The following WNT5B variants were observed in gnomAD, a reference collection of about 807,000 sequenced individuals.
WNT5B encodes protein Wnt-5b.
A neutral mutation model predicts 36.5 loss-of-function variants in WNT5B; 18 were observed. The observed-to-expected ratio is 0.49, with a 90% CI of 0.34 to 0.73. WNT5B has a LOEUF of 0.73. WNT5B is among the 30% of genes least tolerant of loss of function. The pLI is 0.01. For synonymous variants in WNT5B, 213 were observed against 212.3 expected (o/e 1.00, Z -0.03); for missense variants, 424 against 508.4 (o/e 0.83, Z 1.60).
chr12:1,625,781 A>G (rs894166409), upstream of WNT5B, among the ~76,000 whole-genome samples: 3 of 152,024 alleles, frequency 2.0e-5, no homozygotes, highest in Admixed American at 1.3e-4. Context: ...CTCCTGCCTC[A>G]GCCTCCCAAG....
chr12:1,634,358 T>A (rs2270034), intron 3 of WNT5B, among the ~76,000 whole-genome samples: 1 of 152,186 alleles, frequency 6.6e-6, no homozygotes, highest in Admixed American at 6.5e-5. Flanking sequence ...CTCTAATCTC[T>A]TCAGTGGAGT....
intron 2 of WNT5B, 87 bp downstream of exon 2, chr12:1,631,521 G>A (rs1035010693): frequency 2.5e-5 from 40 of 1,592,660 alleles, no homozygotes; most frequent in Non-Finnish European, 3.1e-5. Context: ...CGTGTGTCAC[G>A]GTAGTACCTT....
Position 1,640,072 on chromosome 12 carries a change from G to A in WNT5B, c.621+96G>A, listed in dbSNP as rs1258186041. On this transcript the variant is annotated intron_variant, in intron 4 of 4. Transcript: ENST00000397196. ...CGTGGCCTGGCCTTCAAGGAAACGG[G>A]TTAGTCTGACCGTGAAGATTCTTAC... 1.0e-5 allele frequency: 14 copies of A among 1,406,020 alleles called. No homozygotes were observed. In the Admixed American group the frequency reaches 1.4e-4, roughly 14 times the overall value. 87.1% of individuals were successfully genotyped at this position (1,406,020 alleles called of 1,614,324 possible).
chr12:1,623,192 T>TTTTTTTG (rs1353331454), intron 1 of WNT5B, among the ~76,000 whole-genome samples: 10 of 107,660 alleles, frequency 9.3e-5, no homozygotes, highest in Admixed American at 1.7e-4. Flanking sequence ...TTGTTGTTTT[T>TTTTTTTG]TTTTTTTTTT....
At position 1,621,738 on chromosome 12, in the gene WNT5B, C is replaced by T. The variant is rs557894585; in HGVS notation, c.-58+4595C>T. On this transcript the variant is annotated intron_variant, in intron 1 of 4. Transcript: ENST00000310594. ...TTTTTTTTTTTTGGTAGAGATGAGG[C>T]CTCACTATGTCGGCCAGGCTGGTCT... 2.0e-5 allele frequency among the ~76,000 whole-genome samples: 3 copies of T among 148,060 alleles called. No individual in the cohort carries two copies. In the South Asian group the frequency reaches 6.4e-4, roughly 32 times the overall value.
At chr12:1,622,382 C>A (rs973133763) in intron 1 of WNT5B, among the ~76,000 whole-genome samples, 3 of 152,150 alleles carry the variant, frequency 2.0e-5, no homozygotes, top group Non-Finnish European at 4.4e-5. Flanking sequence ...TCCCCAAGGT[C>A]TTACACATTT....
chr12:1,623,657 C>T (rs2094537417), intron 1 of WNT5B, among the ~76,000 whole-genome samples: 1 of 152,068 alleles, frequency 6.6e-6, no homozygotes, highest in Non-Finnish European at 1.5e-5. Context: ...ACTGTTAAGG[C>T]CAATCTAAAA....
intron 4 of WNT5B, among the ~76,000 whole-genome samples, chr12:1,641,546 T>G (rs2094575354): frequency 6.6e-6 from 1 of 152,128 alleles, no homozygotes; most frequent in Admixed American, 6.5e-5. Flanking sequence ...CTGATGCCTG[T>G]AATCCCAACA....
upstream of WNT5B, among the ~76,000 whole-genome samples, chr12:1,624,443 C>A (rs1286032927): frequency 6.6e-6 from 1 of 150,382 alleles, no homozygotes; most frequent in African/African-American, 2.5e-5. Flanking sequence ...ACAGGGAGGA[C>A]CTGTATTTGG....
At chr12:1,635,239 G>A (rs2094558491) in intron 3 of WNT5B, among the ~76,000 whole-genome samples, 1 of 152,196 alleles carries the variant, frequency 6.6e-6, no homozygotes, top group South Asian at 2.1e-4. Context: ...AACTGTCAGA[G>A]TACAGAACGT....
intron 3 of WNT5B, among the ~76,000 whole-genome samples, chr12:1,637,999 A>G (rs2094565376): frequency 6.6e-6 from 1 of 152,210 alleles, no homozygotes; most frequent in Non-Finnish European, 1.5e-5. Flanking sequence ...CTCTAATCCC[A>G]GCACTTTGGG....
In WNT5B at chr12:1,636,659, A is replaced by G. The variant is rs141372878; in HGVS notation, c.329-3025A>G. On this transcript the variant is annotated intron_variant, in intron 3 of 4. Transcript: ENST00000397196. ...GGGCTTAAACAATTCTTCCACCTCAACCTCCTGAGTAGCTGGGACTACAGG... is the reference window on the plus strand; with the variant it reads ...GGGCTTAAACAATTCTTCCACCTCAGCCTCCTGAGTAGCTGGGACTACAGG... Among the ~76,000 whole-genome samples, 1,082 of 149,068 alleles carry G rather than the reference A, an allele frequency of 7.3e-3. 10 individuals are homozygous for G. The highest frequency in any genetic ancestry group is 0.024 in the Middle Eastern group (7 of 292).
intron 1 of WNT5B, among the ~76,000 whole-genome samples, chr12:1,623,359 C>G (rs1466142127): frequency 6.6e-6 from 1 of 150,986 alleles, no homozygotes; most frequent in Admixed American, 6.6e-5. Flanking sequence ...CCACACCCAG[C>G]TAATTTTTTG....
rs377377750 is a variant in WNT5B at position 1,636,485 on chromosome 12, C to A, written c.329-3199C>A. ...TTAGCACAATGATTTAAAGGTTCATCTGTGTTGCAGTCTATATATATATAT... is the reference window on the plus strand; with the variant it reads ...TTAGCACAATGATTTAAAGGTTCATATGTGTTGCAGTCTATATATATATAT... On this transcript the variant is annotated intron_variant, in intron 3 of 4. Transcript: ENST00000397196. Among the ~76,000 whole-genome samples, 98 of 122,354 alleles carry A rather than the reference C, an allele frequency of 8.0e-4. 4 individuals are homozygous for A. The South Asian group carries it at 0.026, about 32-fold the overall frequency. 80.3% of individuals were successfully genotyped at this position (122,354 alleles called of 152,430 possible).
At chr12:1,627,315 G>A (rs78005670), upstream of WNT5B, among the ~76,000 whole-genome samples, 815 of 152,296 alleles carry the variant, frequency 5.4e-3, 5 homozygotes, top group African/African-American at 0.019. This position sits in a 1 kb window ranked among gnomAD's most constrained non-coding sequence, Gnocchi z 5.0. Flanking sequence ...GGGCAGATGT[G>A]GGAGGTGGCT....
At chr12:1,639,590 C>A (rs1188821158) in intron 3 of WNT5B, 94 bp from the exon 4 acceptor site, 2 of 1,360,328 alleles carry the variant, frequency 1.5e-6, no homozygotes, top group Non-Finnish European at 1.9e-6. Context: ...TCAGCAGAGC[C>A]GTGGCGTGCG....
At chr12:1,641,821 A>G (rs1430289019) in intron 4 of WNT5B, among the ~76,000 whole-genome samples, 1 of 152,224 alleles carries the variant, frequency 6.6e-6, no homozygotes, top group African/African-American at 2.4e-5. Context: ...GAAAAAAGAA[A>G]AGAAAAAAAA....
intron 1 of WNT5B, 111 bp downstream of exon 1, chr12:1,629,482 G>A (rs74061307): frequency 0.057 from 8,711 of 152,620 alleles, 740 homozygotes; most frequent in African/African-American, 0.18. Context: ...TAGGTGTTGC[G>A]GGCGGCAGGG....
At chr12:1,639,283 G>A (rs1009198303) in intron 3 of WNT5B, among the ~76,000 whole-genome samples, 13 of 151,346 alleles carry the variant, frequency 8.6e-5, no homozygotes, top group Non-Finnish European at 1.6e-4. Context: ...GACTACAGGC[G>A]CCCGCCACCA....
Sources: allele counts gnomAD v4.1 joint callset (sites outside exome capture counted in the v4.1 genomes callset), GRCh38; gene constraint gnomAD v4.1.1; non-coding constraint Gnocchi (gnomAD v3.1); transcripts MANE v1.5; gene names NCBI Gene and HGNC (gene_info 2026-07-23, HGNC 2026-07-21).